MTNR1A: variants seen among roughly 807,000 people sequenced by gnomAD.
MTNR1A encodes the protein melatonin receptor type 1A.
A neutral mutation model predicts 5.5 loss-of-function variants in MTNR1A; 7 were observed. The observed-to-expected ratio is 1.28, with a 90% CI of 0.73 to 2.40. The LOEUF is 2.40. MTNR1A is among the 30% of genes most tolerant of loss of function. MTNR1A has a pLI of 0.00. For synonymous variants in MTNR1A, 196 were observed against 202.7 expected (o/e 0.97, Z 0.28); for missense variants, 441 against 464.4 (o/e 0.95, Z 0.46).
intron 1 of MTNR1A, among the ~76,000 whole-genome samples, chr4:186,540,104 C>T (rs1736976192): frequency 6.6e-6 from 1 of 152,194 alleles, no homozygotes; most frequent in South Asian, 2.1e-4. Context: ...TGCAGGGAAA[C>T]TCCCCCTTAT....
In MTNR1A at chr4:186,533,680, G is replaced by A; in HGVS notation, c.*9C>T. The A allele has an allele frequency of 6.2e-7, 1 of 1,613,816 alleles. No homozygotes were observed. The highest frequency in any genetic ancestry group is 8.5e-7 in the Non-Finnish European group (1 of 1,180,038). Reference sequence around the variant, plus strand: ...AGCGTGTCCATCTCACCCGGAACGTGGTGCTTTTTTAAACGGAGTCCACCT... The same window carrying A: ...AGCGTGTCCATCTCACCCGGAACGTAGTGCTTTTTTAAACGGAGTCCACCT... On this transcript the variant is annotated 3_prime_UTR_variant, in exon 2 of 2. Coordinates refer to ENST00000307161, the MANE Select transcript of MTNR1A (RefSeq NM_005958.4).
chr4:186,545,569 T>C (rs1433480437), intron 1 of MTNR1A, among the ~76,000 whole-genome samples: 2 of 151,966 alleles, frequency 1.3e-5, no homozygotes, highest in East Asian at 3.9e-4. Context: ...AGAAATTACT[T>C]GCTCTTCCTG....
chr4:186,554,749 C>T (rs779233834), intron 1 of MTNR1A, among the ~76,000 whole-genome samples: 27 of 152,218 alleles, frequency 1.8e-4, no homozygotes, highest in Non-Finnish European at 3.2e-4. Flanking sequence ...AACAACAAGA[C>T]CACGGCGGCT....
At chr4:186,546,024 T>G (rs898347472) in intron 1 of MTNR1A, among the ~76,000 whole-genome samples, 1 of 152,156 alleles carries the variant, frequency 6.6e-6, no homozygotes, top group Non-Finnish European at 1.5e-5. Flanking sequence ...AAAAGCCGGA[T>G]TCAGATCCCA....
rs1560897552 is a variant in MTNR1A, at chr4:186,547,282, G to GTTCGTGGGACACACCGTCCACA, written c.184+7899_184+7900insTGTGGACGGTGTGTCCCACGAA. Among the ~76,000 whole-genome samples the GTTCGTGGGACACACCGTCCACA allele has an allele frequency of 4.4e-4, 19 of 43,064 alleles. 3 individuals are homozygous for GTTCGTGGGACACACCGTCCACA. Among genetic ancestry groups the GTTCGTGGGACACACCGTCCACA allele is most frequent in the African/African-American group, 1.5e-3 (13 of 8,412 alleles). The allele number at this position is 43,064 out of a possible 152,430, so 28.3% of individuals were successfully genotyped here. On this transcript the variant is annotated intron_variant, in intron 1 of 1. Transcript: ENST00000307161. ...CCTGTTCATGGGACACACCGTCCAC[G>GTTCGTGGGACACACCGTCCACA]CCACACCCTGTTCATGGGACACACC...
rs372006476 is a variant in MTNR1A at position 186,539,008 on chromosome 4, C to T, written c.185-4451G>A. Among the ~76,000 whole-genome samples, 30 of 152,018 alleles carry T rather than the reference C, an allele frequency of 2.0e-4. No individual in the cohort carries two copies. In the East Asian group the frequency reaches 3.3e-3, roughly 17 times the overall value. ...GCCGAGGCGGGGGATCACGAGGTCA[C>T]GAGATCAAGACCATCCTGGCCAACA... On this transcript the variant is annotated intron_variant, in intron 1 of 1. Coordinates refer to ENST00000307161, the MANE Select transcript of MTNR1A (RefSeq NM_005958.4).
At chr4:186,545,723 G>A (rs896402469) in intron 1 of MTNR1A, among the ~76,000 whole-genome samples, 4 of 152,168 alleles carry the variant, frequency 2.6e-5, no homozygotes, top group Non-Finnish European at 5.9e-5. Context: ...GGAACTGAGT[G>A]TGCCTGAGCT....
intron 1 of MTNR1A, among the ~76,000 whole-genome samples, chr4:186,536,347 A>T (rs1736850221): frequency 7.2e-6 from 1 of 138,096 alleles, no homozygotes; most frequent in Admixed American, 7.4e-5. Flanking sequence ...ACTCCGTATC[A>T]AAAAAAAAAA....
chr4:186,537,950 A>G (rs897298648), intron 1 of MTNR1A, among the ~76,000 whole-genome samples: 4 of 152,274 alleles, frequency 2.6e-5, no homozygotes, highest in African/African-American at 9.6e-5. Context: ...GGCACCAACT[A>G]TAAAATGCAC....
intron 1 of MTNR1A, among the ~76,000 whole-genome samples, chr4:186,539,356 C>A (rs1244636557): frequency 6.6e-6 from 1 of 152,128 alleles, no homozygotes; most frequent in Non-Finnish European, 1.5e-5. Context: ...CAACCCATTT[C>A]CTGAGTGACT....
At position 186,551,493 on chromosome 4, in the gene MTNR1A, T is replaced by A. The variant is rs139269475; in HGVS notation, c.184+3689A>T. Among the ~76,000 whole-genome samples, 17 of 152,192 alleles carry A rather than the reference T, an allele frequency of 1.1e-4. No homozygotes were observed. The East Asian group carries it at 3.3e-3, about 29-fold the overall frequency. On this transcript the variant is annotated intron_variant, in intron 1 of 1. Transcript: ENST00000307161. ...CACCAGATGCGTACTAGCATTAACATCATAATACTATTATTTGTACCTCAT... is the reference window on the plus strand; with the variant it reads ...CACCAGATGCGTACTAGCATTAACAACATAATACTATTATTTGTACCTCAT...
At position 186,555,128 on chromosome 4, in the gene MTNR1A, C is replaced by T; in HGVS notation, c.184+54G>A. 4 of 1,536,596 alleles carry T rather than the reference C, an allele frequency of 2.6e-6. No individual in the cohort carries two copies. The highest frequency in any genetic ancestry group is 3.5e-6 in the Non-Finnish European group (4 of 1,131,290). On this transcript the variant is annotated intron_variant, in intron 1 of 1. Transcript: ENST00000307161. This position sits in a 1 kb window ranked among gnomAD's most constrained non-coding sequence, Gnocchi z 4.1. ...GTGCTTGGGGAAGGCTGGCTGCCCG[C>T]GGAGAGGCGCTGCGTCCGGAGCGCT...
At chr4:186,548,195 A>G (rs1246570342) in intron 1 of MTNR1A, among the ~76,000 whole-genome samples, 1 of 152,142 alleles carries the variant, frequency 6.6e-6, no homozygotes. Context: ...CTCAGTGAAA[A>G]CCCCATCTTA....
intron 1 of MTNR1A, among the ~76,000 whole-genome samples, chr4:186,551,608 G>C (rs921478547): frequency 1.7e-4 from 26 of 152,160 alleles, no homozygotes; most frequent in Admixed American, 1.7e-3. Flanking sequence ...ATGGGTGGTT[G>C]GACGTATAGG....
At chr4:186,541,349 C>T (rs1265994272) in intron 1 of MTNR1A, among the ~76,000 whole-genome samples, 1 of 152,142 alleles carries the variant, frequency 6.6e-6, no homozygotes, top group African/African-American at 2.4e-5. Context: ...TTTAGATCTG[C>T]ACTGATTAAT....
At chr4:186,548,347 A>G (rs1234104595) in intron 1 of MTNR1A, among the ~76,000 whole-genome samples, 3 of 152,220 alleles carry the variant, frequency 2.0e-5, no homozygotes, top group Non-Finnish European at 2.9e-5. Flanking sequence ...TTAACACTAC[A>G]AAAGTATAAA....
intron 1 of MTNR1A, among the ~76,000 whole-genome samples, chr4:186,545,160 A>G (rs1737115347): frequency 6.6e-6 from 1 of 152,120 alleles, no homozygotes; most frequent in African/African-American, 2.4e-5. Context: ...TGTTTCTAGC[A>G]AACCTGAAAT....
rs150665275 is a variant in MTNR1A at position 186,534,480 on chromosome 4, T to C, written c.262A>G (p.Ile88Val). The stretch of plus-strand genomic sequence containing the variant: ...CCCAGGTTCCACCCGTTGTTAAATA[T>C]CGACATCAGCACCAACGGGTACGGA... Reference protein sequence around the residue: ...IYPYPLVLMSIFNNGWNLGYL... With the variant: ...IYPYPLVLMSVFNNGWNLGYL... The change falls in exon 2 of 2, where the codon ATA (isoleucine) becomes GTA (valine). Residue 88 changes from isoleucine to valine, a missense_variant. Ile to Val is a conservative substitution (Grantham distance 29). Transcript: ENST00000307161. The C allele has an allele frequency of 2.7e-5, 43 of 1,613,992 alleles. No individual in the cohort carries two copies. Among genetic ancestry groups the C allele is most frequent in the African/African-American group, 1.3e-4 (10 of 74,902 alleles).
chr4:186,540,585 A>G (rs751368241), intron 1 of MTNR1A, among the ~76,000 whole-genome samples: 11 of 152,276 alleles, frequency 7.2e-5, no homozygotes, highest in Non-Finnish European at 1.6e-4. Flanking sequence ...TGGACCCCCA[A>G]GTGACCATGT....
Sources: allele counts gnomAD v4.1 joint callset (sites outside exome capture counted in the v4.1 genomes callset), GRCh38; gene constraint gnomAD v4.1.1; non-coding constraint Gnocchi (gnomAD v3.1); transcripts MANE v1.5; gene names NCBI Gene and HGNC (gene_info 2026-07-23, HGNC 2026-07-21).